KHDRBS3: variants seen among roughly 807,000 people sequenced by gnomAD.
KHDRBS3 encodes KH RNA binding domain containing, signal transduction associated 3, also known as KH domain-containing, RNA-binding, signal transduction-associated protein 3.
In KHDRBS3, 23 loss-of-function variants were observed where a neutral mutation model predicts 45.6. The ratio of observed to expected loss-of-function variants is 0.50; its 90% CI spans 0.36 to 0.72. The LOEUF is 0.72. KHDRBS3 is among the 30% of genes least tolerant of loss of function. The pLI is 0.00. For missense variants in KHDRBS3, 352 were observed against 424.8 expected, an observed-to-expected ratio of 0.83 and a Z score of 1.51; for synonymous variants, 162 against 156.5, an observed-to-expected ratio of 1.04 and a Z score of -0.26.
At chr8:135,544,320 A>G (rs1826184679) in intron 3 of KHDRBS3, among the ~76,000 whole-genome samples, 1 of 152,182 alleles carries the variant, frequency 6.6e-6, no homozygotes, top group African/African-American at 2.4e-5. Flanking sequence ...TTTTACAGGT[A>G]GAAGGGAAAC....
intron 6 of KHDRBS3, among the ~76,000 whole-genome samples, chr8:135,602,377 C>T (rs1374574299): frequency 6.6e-6 from 1 of 152,126 alleles, no homozygotes; most frequent in African/African-American, 2.4e-5. Context: ...TTGAAATCCT[C>T]CTGAATGAAA....
intron 1 of KHDRBS3, among the ~76,000 whole-genome samples, chr8:135,475,791 T>C (rs1822252217): frequency 6.6e-6 from 1 of 152,144 alleles, no homozygotes; most frequent in African/African-American, 2.4e-5. Flanking sequence ...AATATATCCC[T>C]CTTAGATGCA....
At chr8:135,583,055 T>C (rs1586756601) in intron 6 of KHDRBS3, among the ~76,000 whole-genome samples, 1 of 152,326 alleles carries the variant, frequency 6.6e-6, no homozygotes, top group East Asian at 1.9e-4. Flanking sequence ...GGTGTTCTTA[T>C]GTTTCATTTG....
At chr8:135,606,135 G>T (rs935719393) in intron 6 of KHDRBS3, among the ~76,000 whole-genome samples, 2 of 151,846 alleles carry the variant, frequency 1.3e-5, no homozygotes, top group Admixed American at 6.6e-5. Context: ...TCTAATCTTT[G>T]CCAAGGGCCT....
chr8:135,630,208 G>A (rs1830536470), intron 7 of KHDRBS3, among the ~76,000 whole-genome samples: 1 of 152,218 alleles, frequency 6.6e-6, no homozygotes, highest in South Asian at 2.1e-4. Flanking sequence ...GAGCCCTTGG[G>A]TCTGGAATTC....
intron 1 of KHDRBS3, among the ~76,000 whole-genome samples, chr8:135,471,348 T>C (rs1242903206): frequency 6.6e-6 from 1 of 152,180 alleles, no homozygotes. Flanking sequence ...CTAAGACTGG[T>C]TGGGTGTCTG....
rs1586859943 is a variant in KHDRBS3 at position 135,647,157 on chromosome 8, T to C, written c.*73T>C. The stretch of plus-strand genomic sequence containing the variant: ...TACTGTTCAAAGTAATTTTTTTCTA[T>C]GAACAATCCCTTTTTAAATAAATCA... On this transcript the variant is annotated 3_prime_UTR_variant, in exon 9 of 9. Coordinates refer to ENST00000355849, the MANE Select transcript of KHDRBS3 (RefSeq NM_006558.3). 2 of 604,406 alleles carry C rather than the reference T, an allele frequency of 3.3e-6. No homozygotes were observed. Among genetic ancestry groups the C allele is most frequent in the African/African-American group, 3.8e-5 (2 of 52,414 alleles). 37.4% of individuals were successfully genotyped at this position (604,406 alleles called of 1,614,324 possible). A position where few individuals can be genotyped will look rare whatever the true frequency, so the allele number is the denominator to read the frequency against.
chr8:135,458,598 A>T, intron 1 of KHDRBS3: 2 of 321,148 alleles, frequency 6.2e-6, no homozygotes, highest in East Asian at 8.5e-5. Context: ...CTCCCAGGGG[A>T]TGGGCAGCCC....
intron 2 of KHDRBS3, among the ~76,000 whole-genome samples, chr8:135,528,710 G>T (rs903426843): frequency 6.6e-6 from 1 of 152,202 alleles, no homozygotes; most frequent in Non-Finnish European, 1.5e-5. Flanking sequence ...CATTTCTGGA[G>T]GCTGGGAAAT....
Position 135,575,315 on chromosome 8 carries a change from G to A in KHDRBS3, c.612-6563G>A, listed in dbSNP as rs56084664. 6.0e-3 allele frequency among the ~76,000 whole-genome samples: 911 copies of A among 152,198 alleles called. 8 individuals are homozygous for A. The highest frequency in any genetic ancestry group is 0.01 in the Non-Finnish European group (688 of 68,022). Reference sequence around the variant, plus strand: ...TGCCCCACTTAAAACCTGTACAGTGGTGCCACACTGTCCTTCCCCAGCTCC... The same window carrying A: ...TGCCCCACTTAAAACCTGTACAGTGATGCCACACTGTCCTTCCCCAGCTCC... On this transcript the variant is annotated intron_variant, in intron 5 of 8. Coordinates refer to ENST00000355849, the MANE Select transcript of KHDRBS3 (RefSeq NM_006558.3).
intron 1 of KHDRBS3, among the ~76,000 whole-genome samples, chr8:135,497,700 C>T (rs2130478321): frequency 1.3e-5 from 2 of 152,278 alleles, no homozygotes; most frequent in Admixed American, 1.3e-4. Context: ...ATATATCAAG[C>T]ACTGTGCTTA....
intron 4 of KHDRBS3, among the ~76,000 whole-genome samples, chr8:135,552,301 T>C (rs1288126763): frequency 6.6e-6 from 1 of 151,800 alleles, no homozygotes; most frequent in Non-Finnish European, 1.5e-5. Flanking sequence ...ACATTCAGGG[T>C]TTTTCATCCG....
At chr8:135,644,104 C>T (rs971598777) in intron 7 of KHDRBS3, among the ~76,000 whole-genome samples, 2 of 152,144 alleles carry the variant, frequency 1.3e-5, no homozygotes, top group African/African-American at 4.8e-5. Flanking sequence ...TGAGAGGGTA[C>T]ATGGAAACTC....
chr8:135,523,297 T>C (rs1825010772), intron 2 of KHDRBS3, among the ~76,000 whole-genome samples: 1 of 152,216 alleles, frequency 6.6e-6, no homozygotes, highest in Non-Finnish European at 1.5e-5. Flanking sequence ...TTAATTTCTA[T>C]CAACAGCGCT....
At chr8:135,634,844 AG>A (rs1437341330) in intron 7 of KHDRBS3, among the ~76,000 whole-genome samples, 6 of 152,200 alleles carry the variant, frequency 3.9e-5, no homozygotes. Flanking sequence ...CTGCTGGACA[AG>A]GAGACAGTTT....
chr8:135,622,243 A>G (rs896040784), intron 7 of KHDRBS3, among the ~76,000 whole-genome samples: 2 of 152,214 alleles, frequency 1.3e-5, no homozygotes, highest in African/African-American at 4.8e-5. Context: ...TATTTATTGA[A>G]TAAATATAGA....
At chr8:135,508,548 TTAA>T (rs1563730652) in intron 1 of KHDRBS3, among the ~76,000 whole-genome samples, 1 of 152,210 alleles carries the variant, frequency 6.6e-6, no homozygotes, top group African/African-American at 2.4e-5. Flanking sequence ...TGCAGTATAC[TTAA>T]TGATGTTTGC....
chr8:135,472,193 C>T (rs886604173), intron 1 of KHDRBS3, among the ~76,000 whole-genome samples: 1 of 152,202 alleles, frequency 6.6e-6, no homozygotes, highest in Non-Finnish European at 1.5e-5. Context: ...CAAGAGTGTT[C>T]ACTCTATGGC....
chr8:135,604,067 T>C (rs993927250), intron 6 of KHDRBS3, among the ~76,000 whole-genome samples: 4 of 152,120 alleles, frequency 2.6e-5, no homozygotes, highest in African/African-American at 9.6e-5. Context: ...GTAGTTTTGC[T>C]TCATGTATTT....
Sources: allele counts gnomAD v4.1 joint callset (sites outside exome capture counted in the v4.1 genomes callset), GRCh38; gene constraint gnomAD v4.1.1; transcripts MANE v1.5; gene names NCBI Gene and HGNC (gene_info 2026-07-23, HGNC 2026-07-21).